NUP88: variants seen among roughly 807,000 people sequenced by gnomAD.
The protein encoded by NUP88 is nucleoporin 88.
NUP88 carries 57 observed loss-of-function variants against 93.9 expected under a neutral mutation model. That is an observed-to-expected ratio of 0.61 (90% CI 0.49 to 0.76). The LOEUF (loss-of-function observed/expected upper bound fraction) is 0.76. NUP88 is among the 30% of genes least tolerant of loss of function. The pLI is 0.00. For synonymous variants in NUP88, 346 were observed against 336.8 expected (o/e 1.03, Z -0.30); for missense variants, 911 against 901.0 (o/e 1.01, Z -0.14).
At position 5,400,026 on chromosome 17, in the gene NUP88, A is replaced by G. The variant is rs79565524; in HGVS notation, c.1193-376T>C. The stretch of plus-strand genomic sequence containing the variant: ...TAGTGTTACGTCAAAAAATATGTAC[A>G]TACCTTAACCATTTTTTATTGCTAA... On this transcript the variant is annotated intron_variant, in intron 7 of 16. Coordinates refer to ENST00000573584, the MANE Select transcript of NUP88 (RefSeq NM_002532.6). Among the ~76,000 whole-genome samples, 514 of 150,668 alleles carry G rather than the reference A, an allele frequency of 3.4e-3. 3 individuals are homozygous for G. The highest frequency in any genetic ancestry group is 0.012 in the African/African-American group (481 of 41,092).
In NUP88 at chr17:5,399,593, C is replaced by T. The variant is rs1355291334; in HGVS notation, c.1250G>A (p.Gly417Glu). The change falls in exon 8 of 17, where the codon GGG (glycine) becomes GAG (glutamate). Residue 417 changes from glycine (G) to glutamate (E), a missense_variant. By Grantham distance (98) the Gly-to-Glu change is moderately conservative. Transcript: ENST00000573584. The part of the protein sequence containing the change: ...CTHEAGVHSV[G>E]LTWIHKLHKF... ...GTGAAGTTTATGAATCCAAGTTAGC[C>T]CAACACTATGTACACCAGCTTCATG... is the stretch of plus-strand genomic sequence containing the variant. 2.5e-6 allele frequency: 4 copies of T among 1,610,428 alleles called. No individual in the cohort carries two copies. The highest frequency in any genetic ancestry group is 2.2e-5 in the East Asian group (1 of 44,720).
intron 1 of NUP88, among the ~76,000 whole-genome samples, chr17:5,418,915 CAG>C (rs1361971091): frequency 6.6e-6 from 1 of 152,154 alleles, no homozygotes; most frequent in Admixed American, 6.5e-5. Context: ...TAAGAATTAA[CAG>C]AGACTTCCTC....
rs1597324490 is a variant in NUP88 at position 5,403,248 on chromosome 17, T to TG, written c.1192+850dup. Among the ~76,000 whole-genome samples the TG allele has an allele frequency of 2.0e-5, 3 of 151,752 alleles. No individual in the cohort carries two copies. In the East Asian group the frequency reaches 5.8e-4, roughly 30 times the overall value. On this transcript the variant is annotated intron_variant, in intron 7 of 16. Transcript: ENST00000573584. Reference sequence around the variant, plus strand: ...ATCCCAGCACTTTGTGAGGTCGAGGTGGGCGGATCACAAGGTCAGGAGTTC... The same window carrying TG: ...ATCCCAGCACTTTGTGAGGTCGAGGTGGGGCGGATCACAAGGTCAGGAGTTC...
At chr17:5,416,761 A>AG (rs1914175078) in intron 1 of NUP88, 79 bp from the exon 2 acceptor site, 24 of 1,082,448 alleles carry the variant, frequency 2.2e-5, no homozygotes, top group Non-Finnish European at 3.0e-5. Context: ...TCACAGTAAT[A>AG]CTTAGTTTAC....
chr17:5,416,573 A>C lies in NUP88; in HGVS notation c.407T>G (p.Leu136Ter), dbSNP rs1317967131. 1 of 1,612,158 alleles carries C rather than the reference A, an allele frequency of 6.2e-7. No individual in the cohort carries two copies. Among genetic ancestry groups the C allele is most frequent in the South Asian group, 1.1e-5 (1 of 90,388 alleles). ...AGAATTCTTCCCCCATCTTTTAGGT[A>C]ATTCTAATACCATAAGTCCTTTTAT... ...IGIKGLMVLELPKRWGKNSEF... is the reference protein window; with the variant it reads ...IGIKGLMVLE Residue 136 changes from leucine (L) to a stop codon, truncating the protein, a stop_gained, in exon 2 of 17, where the codon TTA (leucine) becomes TGA (stop). Coordinates refer to ENST00000573584, the MANE Select transcript of NUP88 (RefSeq NM_002532.6). LOFTEE classifies it high-confidence loss of function.
intron 3 of NUP88, 89 bp from the exon 4 acceptor site, chr17:5,410,878 G>T (rs114186117): frequency 2.5e-6 from 2 of 807,472 alleles, no homozygotes; most frequent in Middle Eastern, 2.3e-4. Context: ...GTCAGTTCTT[G>T]AGAATTTTCT....
chr17:5,393,823 C>T (rs180954877), intron 9 of NUP88, among the ~76,000 whole-genome samples: 4 of 152,296 alleles, frequency 2.6e-5, no homozygotes, highest in African/African-American at 9.6e-5. Context: ...TATTGCCAAA[C>T]CTAGATTATG....
intron 1 of NUP88, among the ~76,000 whole-genome samples, chr17:5,417,392 C>T (rs1914214658): frequency 6.6e-6 from 1 of 150,908 alleles, no homozygotes; most frequent in African/African-American, 2.4e-5. Context: ...CACTCGACCC[C>T]TGACAGTAGA....
At chr17:5,403,209 G>C (rs1256357506) in intron 7 of NUP88, among the ~76,000 whole-genome samples, 1 of 151,994 alleles carries the variant, frequency 6.6e-6, no homozygotes, top group Non-Finnish European at 1.5e-5. Context: ...CAGGCGTAGT[G>C]GCTCACGCCT....
intron 9 of NUP88, among the ~76,000 whole-genome samples, chr17:5,393,767 G>T (rs1158461184): frequency 6.6e-6 from 1 of 152,168 alleles, no homozygotes; most frequent in Non-Finnish European, 1.5e-5. Context: ...GGTACAGTTT[G>T]CTATCCTTCT....
At chr17:5,416,758 A>G in intron 1 of NUP88, 76 bp from the exon 2 acceptor site, 1 of 1,167,700 alleles carries the variant, frequency 8.6e-7, no homozygotes, top group Non-Finnish European at 1.2e-6. Context: ...AAATCACAGT[A>G]ATACTTAGTT....
At chr17:5,417,695 CG>C (rs1482837267) in intron 1 of NUP88, among the ~76,000 whole-genome samples, 1 of 151,750 alleles carries the variant, frequency 6.6e-6, no homozygotes, top group Admixed American at 6.6e-5. Context: ...AAAAAGTAGC[CG>C]GGTACGGTGG....
chr17:5,399,190 C>CTTTTT (rs536801907), intron 8 of NUP88, among the ~76,000 whole-genome samples: 5 of 123,472 alleles, frequency 4.0e-5, no homozygotes, highest in Non-Finnish European at 4.9e-5. Context: ...CGCACCCGGC[C>CTTTTT]TTTTTTTTTT....
At chr17:5,391,396 G>C in intron 10 of NUP88, 165 bp downstream of exon 10, 1 of 598,546 alleles carries the variant, frequency 1.7e-6, no homozygotes, top group Non-Finnish European at 3.0e-6. Flanking sequence ...AAACCTTATA[G>C]AGATGATGGC....
At position 5,419,306 on chromosome 17, in the gene NUP88, T is replaced by C. The variant is rs539254302; in HGVS notation, c.297+48A>G. 3 of 1,504,174 alleles carry C rather than the reference T, an allele frequency of 2.0e-6. No individual in the cohort carries two copies. In the South Asian group the frequency reaches 4.0e-5, roughly 20 times the overall value. 93.2% of individuals were successfully genotyped at this position (1,504,174 alleles called of 1,614,324 possible). On this transcript the variant is annotated intron_variant, in intron 1 of 16. Transcript: ENST00000573584. ...AAGAGGAGCAAGGAACAAAAAAGAC[T>C]GGTTCCGATCCCGGTGAGGGTCACT...
chr17:5,411,710 T>C (rs1375117129), intron 3 of NUP88, among the ~76,000 whole-genome samples: 1 of 152,096 alleles, frequency 6.6e-6, no homozygotes, highest in African/African-American at 2.4e-5. Flanking sequence ...TCACAGCATA[T>C]AAGGCTATTG....
chr17:5,386,017 T>C lies in NUP88; in HGVS notation c.*189A>G. ...TGAACACAACTGTAGGCTTGAGTTA[T>C]AAAGCACATTCCAAATTTTAAATAA... On this transcript the variant is annotated 3_prime_UTR_variant, in exon 17 of 17. Transcript: ENST00000573584. The C allele has an allele frequency of 3.7e-6, 2 of 545,946 alleles. No individual in the cohort carries two copies. Among genetic ancestry groups the C allele is most frequent in the South Asian group, 2.8e-5 (1 of 35,888 alleles). 33.8% of individuals were successfully genotyped at this position (545,946 alleles called of 1,614,324 possible).
rs751011684 is a variant in NUP88 at position 5,414,117 on chromosome 17, T to C, written c.485A>G (p.Glu162Gly). Residue 162 changes from glutamate to glycine, a missense_variant, in exon 3 of 17, where the codon GAG becomes GGG. Glu to Gly is a moderately conservative substitution (Grantham distance 98). Coordinates refer to ENST00000573584, the MANE Select transcript of NUP88 (RefSeq NM_002532.6). Reference sequence around the variant, plus strand: ...AGAGGTGGAACTGGTGAAAAATCTCTCCGCAACTGGAGTGGTACTAAAATA... The same window carrying C: ...AGAGGTGGAACTGGTGAAAAATCTCCCCGCAACTGGAGTGGTACTAAAATA... ...TVNCSTTPVA[E>G]RFFTSSTSLT... 1 of 1,613,658 alleles carries C rather than the reference T, an allele frequency of 6.2e-7. No homozygotes were observed.
chr17:5,404,022 A>G (rs1456115739), intron 7 of NUP88, 77 bp downstream of exon 7: 1 of 1,422,030 alleles, frequency 7.0e-7, no homozygotes, highest in Non-Finnish European at 9.7e-7. Context: ...GAACAAATAC[A>G]TTACATAGGA....
Sources: gnomAD v4.1 joint callset for allele counts (sites outside exome capture counted in the v4.1 genomes callset) on GRCh38, gnomAD v4.1.1 for gene constraint, MANE v1.5 for transcripts, NCBI Gene and HGNC (gene_info 2026-07-23, HGNC 2026-07-21) for gene names.